Variants in SMAD6 observed in about 807,000 individuals in gnomAD.
SMAD6 encodes MAD homolog 6.
In SMAD6, 103 loss-of-function variants were observed where a neutral mutation model predicts 39.4. The ratio of observed to expected loss-of-function variants is 2.62; its 90% confidence interval spans 2.23 to 3.08. SMAD6 has a LOEUF of 3.08. Among genes scored for constraint, SMAD6 ranks in the 30% most tolerant of loss-of-function variants. The pLI, the probability that SMAD6 is intolerant of heterozygous loss-of-function variation, is 0.00. For synonymous variants in SMAD6, 445 were observed against 353.3 expected (o/e 1.26, Z -2.91); for missense variants, 1,104 against 742.9 (o/e 1.49, Z -5.65).
chr15:66,767,003 C>T (rs1049439098), intron 3 of SMAD6, among the ~76,000 whole-genome samples: 1 of 152,172 alleles, frequency 6.6e-6, no homozygotes, highest in Admixed American at 6.5e-5. Flanking sequence ...ACAGTGTGTG[C>T]TCTTATCCAG....
chr15:66,728,926 T>TA (rs78673885), intron 3 of SMAD6, among the ~76,000 whole-genome samples: 24,132 of 152,216 alleles, frequency 0.16, 1,986 homozygotes, highest in South Asian at 0.2. Flanking sequence ...CTTGGGTACA[T>TA]ACCTGGGAGT....
At chr15:66,755,756 G>T (rs1228325559) in intron 3 of SMAD6, among the ~76,000 whole-genome samples, 2 of 152,228 alleles carry the variant, frequency 1.3e-5, no homozygotes, top group Admixed American at 6.5e-5. Context: ...CCACTGCTCT[G>T]CTGGTACTCC....
chr15:66,722,810 C>G (rs1032745719), intron 3 of SMAD6, among the ~76,000 whole-genome samples: 1 of 151,986 alleles, frequency 6.6e-6, no homozygotes, highest in African/African-American at 2.4e-5. Context: ...CTAGAGCAGT[C>G]CTGGGGGAAC....
chr15:66,704,351 C>G, intron 1 of SMAD6: 2 of 322,808 alleles, frequency 6.2e-6, no homozygotes, highest in Non-Finnish European at 5.6e-6. Context: ...ATGATGTAGG[C>G]TCCAACTTCA....
chr15:66,745,380 C>T (rs1048380039), intron 3 of SMAD6, among the ~76,000 whole-genome samples: 2 of 151,888 alleles, frequency 1.3e-5, no homozygotes, highest in African/African-American at 4.8e-5. Context: ...TCCAGATGCC[C>T]CTCCCCCAAG....
At chr15:66,730,170 G>A (rs933162154) in intron 3 of SMAD6, among the ~76,000 whole-genome samples, 1 of 152,232 alleles carries the variant, frequency 6.6e-6, no homozygotes, top group Non-Finnish European at 1.5e-5. Flanking sequence ...TTCCTTGGAA[G>A]GAAATGCCAA....
At chr15:66,767,577 G>A (rs1316902605) in intron 3 of SMAD6, among the ~76,000 whole-genome samples, 1 of 152,210 alleles carries the variant, frequency 6.6e-6, no homozygotes. Flanking sequence ...TAGACGGGTG[G>A]CCATGGCAGA....
Position 66,750,823 on chromosome 15 carries a change from C to G in SMAD6, c.953-30174C>G, listed in dbSNP as rs1471214757. Among the ~76,000 whole-genome samples, 5 of 152,198 alleles carry G rather than the reference C, an allele frequency of 3.3e-5. No individual in the cohort carries two copies. The South Asian group carries it at 1.0e-3, about 32-fold the overall frequency. Reference sequence around the variant, plus strand: ...TGAGGGAGCTGGGATATTAATCCCCCACTCCTGGTGCATCTGTTCCTGGCA... The same window carrying G: ...TGAGGGAGCTGGGATATTAATCCCCGACTCCTGGTGCATCTGTTCCTGGCA... On this transcript the variant is annotated intron_variant, in intron 3 of 3. Coordinates refer to ENST00000288840, the MANE Select transcript of SMAD6 (RefSeq NM_005585.5).
At position 66,774,448 on chromosome 15, in the gene SMAD6, G is replaced by A. The variant is rs756157741; in HGVS notation, c.953-6549G>A. 3.9e-5 allele frequency among the ~76,000 whole-genome samples: 6 copies of A among 152,094 alleles called. No individual in the cohort carries two copies. In the East Asian group the frequency reaches 5.8e-4, roughly 15 times the overall value. ...AAGAATGCCAGCCATCAGAGGGGCC[G>A]ATTTCTGTGCAGGGGAGAAGGCCTA... On this transcript the variant is annotated intron_variant, in intron 3 of 3. Transcript: ENST00000288840.
intron 1 of SMAD6, among the ~76,000 whole-genome samples, chr15:66,709,675 G>A (rs924534758): frequency 5.9e-5 from 9 of 152,222 alleles, no homozygotes; most frequent in African/African-American, 2.2e-4. Flanking sequence ...AGTTCATGGG[G>A]GTGGTGGAAA....
chr15:66,728,004 C>T (rs988400986), intron 3 of SMAD6, among the ~76,000 whole-genome samples: 4 of 152,150 alleles, frequency 2.6e-5, no homozygotes, highest in South Asian at 2.1e-4. Flanking sequence ...CAGGCATGCA[C>T]CACCACGCCC....
intron 3 of SMAD6, among the ~76,000 whole-genome samples, chr15:66,751,213 C>T (rs987228175): frequency 2.6e-5 from 4 of 152,196 alleles, no homozygotes; most frequent in African/African-American, 7.2e-5. Flanking sequence ...CATCTTTGCT[C>T]TGCAGAGAGG....
chr15:66,748,610 C>G (rs1893946885), intron 3 of SMAD6, among the ~76,000 whole-genome samples: 1 of 152,158 alleles, frequency 6.6e-6, no homozygotes, highest in African/African-American at 2.4e-5. Context: ...ATACTTTCAT[C>G]TTTAAAACGT....
intron 3 of SMAD6, among the ~76,000 whole-genome samples, chr15:66,732,597 G>A (rs1893649052): frequency 6.6e-6 from 1 of 152,150 alleles, no homozygotes; most frequent in Non-Finnish European, 1.5e-5. Context: ...CCTGGCCTCA[G>A]ATGATCCTCC....
At chr15:66,780,184 C>T (rs888064553) in intron 3 of SMAD6, among the ~76,000 whole-genome samples, 1 of 152,180 alleles carries the variant, frequency 6.6e-6, no homozygotes, top group African/African-American at 2.4e-5. Flanking sequence ...AGCTCCTCTG[C>T]CATGCAGAAG....
chr15:66,713,141 G>A (rs959189328), intron 2 of SMAD6, among the ~76,000 whole-genome samples: 1 of 152,218 alleles, frequency 6.6e-6, no homozygotes, highest in Non-Finnish European at 1.5e-5. Flanking sequence ...GGCCCTGACA[G>A]TACCAGGAGA....
chr15:66,765,440 G>T (rs1428817206), intron 3 of SMAD6, among the ~76,000 whole-genome samples: 4 of 152,180 alleles, frequency 2.6e-5, no homozygotes, highest in Non-Finnish European at 5.9e-5. Flanking sequence ...AGCCAGGATG[G>T]TCTCTATCTC....
rs1416212959 is a variant in SMAD6, at chr15:66,781,449, G to A, written c.1405G>A (p.Ala469Thr). The change falls in exon 4 of 4, where the codon GCC becomes ACC. Residue 469 changes from alanine to threonine, a missense_variant. Transcript: ENST00000288840. Reference sequence around the variant, plus strand: ...CCCCAACAGCGTCCGCATCAGCTTCGCCAAGGGCTGGGGGCCCTGCTACTC... The same window carrying A: ...CCCCAACAGCGTCCGCATCAGCTTCACCAAGGGCTGGGGGCCCTGCTACTC... Reference protein sequence around the residue: ...YDPNSVRISFAKGWGPCYSRQ... With the variant: ...YDPNSVRISFTKGWGPCYSRQ... The A allele has an allele frequency of 1.2e-6, 2 of 1,605,022 alleles. No homozygotes were observed. The highest frequency in any genetic ancestry group is 1.7e-6 in the Non-Finnish European group (2 of 1,178,084).
Position 66,704,010 on chromosome 15 carries a change from C to A in SMAD6, c.752C>A (p.Ala251Asp), listed in dbSNP as rs900629684. Reference protein sequence around the residue: ...LKPLCGCHSFAAAADGPTVCC... With the variant: ...LKPLCGCHSFDAAADGPTVCC... Reference sequence around the variant, plus strand: ...CCCCTGTGCGGCTGCCACAGCTTCGCCGCCGCCGCCGACGGCCCTACCGTG... The same window carrying A: ...CCCCTGTGCGGCTGCCACAGCTTCGACGCCGCCGCCGACGGCCCTACCGTG... The change falls in exon 1 of 4, where the codon GCC (alanine) becomes GAC (aspartate). Residue 251 changes from alanine to aspartate, a missense_variant. Coordinates refer to ENST00000288840, the MANE Select transcript of SMAD6 (RefSeq NM_005585.5). The A allele has an allele frequency of 6.7e-7, 1 of 1,493,368 alleles. No individual in the cohort carries two copies. The highest frequency in any genetic ancestry group is 1.3e-5 in the South Asian group (1 of 79,788). The allele number at this position is 1,493,368 out of a possible 1,614,324, so 92.5% of individuals were successfully genotyped here.
Sources: gnomAD v4.1 joint callset for allele counts (sites outside exome capture counted in the v4.1 genomes callset) on GRCh38, gnomAD v4.1.1 for gene constraint, MANE v1.5 for transcripts, NCBI Gene and HGNC (gene_info 2026-07-23, HGNC 2026-07-21) for gene names.